Variants in LRP1B observed in about 807,000 individuals in gnomAD.
LRP1B encodes LDL receptor related protein 1B.
In LRP1B, 217 loss-of-function variants were observed where a neutral mutation model predicts 556.6. That is an observed-to-expected ratio of 0.39 (90% CI 0.35 to 0.44). The LOEUF (loss-of-function observed/expected upper bound fraction) is 0.44, where lower values mean the gene tolerates loss of function less well. LRP1B is among the 20% of genes least tolerant of loss of function. LRP1B has a pLI of 1.00. For synonymous variants in LRP1B, 2,047 were observed against 1,865.8 expected (o/e 1.10, Z -2.50); for missense variants, 5,053 against 5,620.8 (o/e 0.90, Z 3.23).
At chr2:140,825,809 C>T (rs1039066946) in intron 31 of LRP1B, among the ~76,000 whole-genome samples, 1 of 152,068 alleles carries the variant, frequency 6.6e-6, no homozygotes, top group African/African-American at 2.4e-5. Context: ...CAAGGATATA[C>T]AGCAGTGGAT....
At chr2:141,199,836 T>G (rs1319313213) in intron 6 of LRP1B, among the ~76,000 whole-genome samples, 1 of 152,134 alleles carries the variant, frequency 6.6e-6, no homozygotes, top group African/African-American at 2.4e-5. Flanking sequence ...TCAACATCAC[T>G]GACCACTGGA....
intron 2 of LRP1B, among the ~76,000 whole-genome samples, chr2:141,717,908 T>G (rs1692666860): frequency 1.3e-5 from 2 of 152,154 alleles, no homozygotes; most frequent in South Asian, 4.1e-4. Context: ...TAAACAACTA[T>G]CCAAGTGTAG....
At chr2:141,071,349 C>T (rs1453953545) in intron 7 of LRP1B, among the ~76,000 whole-genome samples, 10 of 151,378 alleles carry the variant, frequency 6.6e-5, no homozygotes, top group African/African-American at 2.2e-4. Flanking sequence ...ATTGATGGGA[C>T]GTATCTCAAA....
chr2:140,234,655 A>C (rs1680616242), intron 90 of LRP1B, 131 bp downstream of exon 90: 2 of 586,388 alleles, frequency 3.4e-6, no homozygotes, highest in South Asian at 4.4e-5. Context: ...CCCCCAATTT[A>C]AATGCTATTT....
intron 84 of LRP1B, among the ~76,000 whole-genome samples, chr2:140,284,830 C>T (rs568744629): frequency 6.2e-4 from 94 of 151,244 alleles, no homozygotes; most frequent in African/African-American, 2.2e-3. Flanking sequence ...TCTCTCTATA[C>T]ATATATCTTG....
chr2:140,519,359 G>A (rs2104947618), intron 49 of LRP1B, among the ~76,000 whole-genome samples: 1 of 152,286 alleles, frequency 6.6e-6, no homozygotes, highest in Non-Finnish European at 1.5e-5. Flanking sequence ...AAGAAATGGG[G>A]AAAGGATTCT....
intron 2 of LRP1B, among the ~76,000 whole-genome samples, chr2:141,484,019 T>C (rs1310761049): frequency 2.0e-5 from 3 of 152,318 alleles, no homozygotes; most frequent in Middle Eastern, 3.4e-3. Context: ...TTTGGTGTTG[T>C]AGACATGAAG....
chr2:140,930,231 T>C (rs1296950243), intron 20 of LRP1B, among the ~76,000 whole-genome samples: 1 of 152,146 alleles, frequency 6.6e-6, no homozygotes, highest in Non-Finnish European at 1.5e-5. Flanking sequence ...GTTTTCATGT[T>C]GCTGATGCCA....
intron 1 of LRP1B, among the ~76,000 whole-genome samples, chr2:141,939,733 C>T (rs1433603447): frequency 1.3e-5 from 2 of 151,898 alleles, no homozygotes; most frequent in Non-Finnish European, 2.9e-5. Flanking sequence ...CATCATTGCT[C>T]GACTGTTTCA....
intron 1 of LRP1B, among the ~76,000 whole-genome samples, chr2:141,951,963 A>G (rs1328389980): frequency 6.6e-6 from 1 of 150,900 alleles, no homozygotes; most frequent in Non-Finnish European, 1.5e-5. Context: ...CATTTACATT[A>G]GGTATTTCTC....
intron 14 of LRP1B, among the ~76,000 whole-genome samples, chr2:141,009,750 A>G (rs1011113932): frequency 4.6e-5 from 7 of 152,010 alleles, no homozygotes; most frequent in Non-Finnish European, 8.8e-5. Context: ...TATTAAAAAT[A>G]TATATTTGAA....
intron 1 of LRP1B, among the ~76,000 whole-genome samples, chr2:141,814,342 A>T (rs1315130097): frequency 6.6e-6 from 1 of 152,092 alleles, no homozygotes; most frequent in Non-Finnish European, 1.5e-5. Flanking sequence ...TCTACCGAGG[A>T]CCTGCCCTAA....
intron 1 of LRP1B, among the ~76,000 whole-genome samples, chr2:142,014,268 T>C (rs189225062): frequency 2.0e-5 from 3 of 152,262 alleles, no homozygotes; most frequent in Admixed American, 6.5e-5. Flanking sequence ...GGGGTCTGAA[T>C]TGGGACCCCT....
At chr2:141,329,653 A>AAAAAACAAAACAAAAC (rs1412095713) in intron 3 of LRP1B, among the ~76,000 whole-genome samples, 98 of 140,420 alleles carry the variant, frequency 7.0e-4, no homozygotes, top group Middle Eastern at 3.6e-3. Context: ...CAAAAAAAAA[A>AAAAAACAAAACAAAAC]AAAAAAAAAA....
intron 62 of LRP1B, among the ~76,000 whole-genome samples, chr2:140,453,525 G>T (rs1686965983): frequency 6.6e-6 from 1 of 151,884 alleles, no homozygotes; most frequent in Non-Finnish European, 1.5e-5. Context: ...ACAAGTAAAA[G>T]CTATAAAGAA....
At chr2:141,878,466 C>T (rs550608127) in intron 1 of LRP1B, among the ~76,000 whole-genome samples, 1 of 151,040 alleles carries the variant, frequency 6.6e-6, no homozygotes. Flanking sequence ...AATATTTTAA[C>T]AGGACCACAT....
At chr2:141,854,854 A>G (rs1049470594) in intron 1 of LRP1B, among the ~76,000 whole-genome samples, 3 of 151,996 alleles carry the variant, frequency 2.0e-5, no homozygotes, top group African/African-American at 4.8e-5. Context: ...CTTTATTCTG[A>G]TATGTATGGG....
At chr2:140,673,794 C>A (rs956665394) in intron 41 of LRP1B, among the ~76,000 whole-genome samples, 1 of 152,016 alleles carries the variant, frequency 6.6e-6, no homozygotes, top group African/African-American at 2.4e-5. Flanking sequence ...CCTCACTATA[C>A]CCTCTCCCTT....
intron 1 of LRP1B, among the ~76,000 whole-genome samples, chr2:142,110,574 TAC>T (rs1278428058): frequency 6.6e-6 from 1 of 152,126 alleles, no homozygotes; most frequent in Non-Finnish European, 1.5e-5. Flanking sequence ...AAAAATAAAT[TAC>T]ATTTTGAATG....
Sources: allele counts gnomAD v4.1 joint callset (sites outside exome capture counted in the v4.1 genomes callset), GRCh38; gene constraint gnomAD v4.1.1; transcripts MANE v1.5; gene names NCBI Gene and HGNC (gene_info 2026-07-23, HGNC 2026-07-21).